The following HNRNPH1 variants were observed in gnomAD, a reference collection of about 807,000 sequenced individuals.
HNRNPH1 encodes the protein heterogeneous nuclear ribonucleoprotein H1, also known as heterogeneous nuclear ribonucleoprotein H.
A neutral mutation model predicts 58.6 loss-of-function variants in HNRNPH1; 4 were observed. The ratio of observed to expected loss-of-function variants is 0.07; its 90% confidence interval spans 0.03 to 0.16. The LOEUF is 0.16. Ranked by LOEUF, HNRNPH1 falls within the 10% of genes least tolerant of loss-of-function variation. HNRNPH1 has a pLI of 1.00. For missense variants in HNRNPH1, 271 were observed against 564.2 expected (o/e 0.48, Z 5.26); for synonymous variants, 192 against 189.2 (o/e 1.01, Z -0.12).
At chr5:179,615,709 C>A in intron 11 of HNRNPH1, 114 bp from the exon 13 acceptor site, 1 of 578,708 alleles carries the variant, frequency 1.7e-6, no homozygotes, top group Admixed American at 3.3e-5. Context: ...AAATACGATC[C>A]TGAACCCAAC....
chr5:179,616,841 G>A (rs1238562864), intron 10 of HNRNPH1, 28 bp downstream of exon 11: 3 of 1,568,240 alleles, frequency 1.9e-6, no homozygotes, highest in Admixed American at 3.4e-5. Flanking sequence ...TAAACGTTTT[G>A]GTTTTTAAAA....
chr5:179,616,068 C>T, intron 11 of HNRNPH1, 58 bp downstream of exon 12: 1 of 1,377,592 alleles, frequency 7.3e-7, no homozygotes, highest in Admixed American at 1.7e-5. Flanking sequence ...ACTCTAAGTA[C>T]AGTAATGAAC....
intron 4 of HNRNPH1, chr5:179,618,593 A>G (rs946041343): frequency 7.2e-6 from 2 of 276,270 alleles, no homozygotes; most frequent in East Asian, 6.7e-5. Context: ...CTGTAAATAA[A>G]TGTTTTAGGA....
chr5:179,632,187 A>G (rs59302801), intron 2 of HNRNPH1, among the ~76,000 whole-genome samples: 1,715 of 152,206 alleles, frequency 0.011, 41 homozygotes, highest in African/African-American at 0.038. Flanking sequence ...GGGTGCCTGT[A>G]GTCCCAGCTA....
intron 3 of HNRNPH1, chr5:179,619,655 A>T (rs1771333712): frequency 3.4e-6 from 1 of 290,352 alleles, no homozygotes; most frequent in Admixed American, 5.1e-5. Context: ...AGGATGCATT[A>T]AGAATTCAAC....
chr5:179,631,127 G>C (rs540320355), intron 2 of HNRNPH1, among the ~76,000 whole-genome samples: 3 of 152,094 alleles, frequency 2.0e-5, no homozygotes, highest in African/African-American at 7.2e-5. Context: ...TAGTGGGATG[G>C]GGAGGCTGTG....
In HNRNPH1 at chr5:179,616,012, TGCCTGC is replaced by T. The variant is rs541790573; in HGVS notation, c.1300+108_1300+113del. 428 of 884,798 alleles carry T rather than the reference TGCCTGC, an allele frequency of 4.8e-4. 3 individuals carry two copies. The African/African-American group carries it at 6.4e-3, about 13-fold the overall frequency. The allele number at this position is 884,798 out of a possible 1,614,324, so 54.8% of individuals were successfully genotyped here. A position where few individuals can be genotyped will look rare whatever the true frequency, so the allele number is the denominator to read the frequency against. On this transcript the variant is annotated intron_variant, in intron 11 of 12. Transcript: ENST00000356731. ...CTGCATCTTCCCAACTAAAGGCACC[TGCCTGC>T]GACTTACTCTAAGTACAGTAACAGG...
At position 179,621,099 on chromosome 5, in the gene HNRNPH1, G is replaced by A; in HGVS notation, c.254-64C>T. ...TAGATAACAAAGTTCAGACTTCCTG[G>A]GTCTTTAGATAAGCTAGGAAGAGCT... On this transcript the variant is annotated intron_variant, in intron 2 of 12. Coordinates refer to ENST00000356731, the Ensembl canonical transcript of HNRNPH1. 5 of 1,569,860 alleles carry A rather than the reference G, an allele frequency of 3.2e-6. No individual in the cohort carries two copies. The Admixed American group carries it at 8.5e-5, about 27-fold the overall frequency.
At chr5:179,631,543 C>G (rs1162477930) in intron 2 of HNRNPH1, among the ~76,000 whole-genome samples, 1 of 151,808 alleles carries the variant, frequency 6.6e-6, no homozygotes, top group Non-Finnish European at 1.5e-5. Context: ...GTCGGGAGTT[C>G]AAGACCAGCC....
chr5:179,619,159 C>A (rs890258655), intron 4 of HNRNPH1, 110 bp downstream of exon 5: 112 of 953,320 alleles, frequency 1.2e-4, no homozygotes, highest in Non-Finnish European at 1.6e-4. Flanking sequence ...GGCAAAACAT[C>A]AATTACCTAG....
exon 10 of HNRNPH1, chr5:179,616,936 G>T: frequency 6.2e-7 from 1 of 1,612,606 alleles, no homozygotes; most frequent in Non-Finnish European, 8.5e-7. Flanking sequence ...TAGAATTCAA[G>T]AAGAGTTCTA....
chr5:179,625,506 A>T, upstream of HNRNPH1, among the ~76,000 whole-genome samples: 1 of 151,224 alleles, frequency 6.6e-6, no homozygotes. Context: ...AAAAAAAAAA[A>T]AATTAGCCAG....
intron 1 of HNRNPH1, 126 bp from the exon 3 acceptor site, chr5:179,621,523 C>G: frequency 1.4e-6 from 1 of 725,912 alleles, no homozygotes; most frequent in Non-Finnish European, 2.3e-6. Context: ...TATATACTGA[C>G]CACGATATTA....
exon 1 of HNRNPH1, chr5:179,623,214 C>A: frequency 4.7e-6 from 5 of 1,054,940 alleles, no homozygotes; most frequent in Non-Finnish European, 1.4e-6. Flanking sequence ...AGCTGTCCTT[C>A]GCCTCCGAGG....
intron 12 of HNRNPH1, chr5:179,615,264 T>G (rs1768959858): frequency 2.3e-6 from 1 of 441,846 alleles, no homozygotes; most frequent in South Asian, 4.6e-5. Context: ...ACTTCGTATT[T>G]TTAAAGCTAA....
chr5:179,622,185 G>A (rs1772745575), intron 1 of HNRNPH1, among the ~76,000 whole-genome samples: 1 of 152,078 alleles, frequency 6.6e-6, no homozygotes, highest in African/African-American at 2.4e-5. Context: ...GCCAGATTAA[G>A]AACTAGATAA....
chr5:179,620,099 G>C (rs935819435), intron 3 of HNRNPH1: 8 of 152,146 alleles, frequency 5.3e-5, no homozygotes, highest in Non-Finnish European at 5.9e-5. Context: ...CACCAATTTA[G>C]TGTCAAAACA....
upstream of HNRNPH1, among the ~76,000 whole-genome samples, chr5:179,624,938 C>A (rs1774219415): frequency 6.6e-6 from 1 of 152,306 alleles, no homozygotes; most frequent in African/African-American, 2.4e-5. Context: ...AAAAGAAAGA[C>A]AGGAGCCCAG....
chr5:179,616,206 C>T (rs1478579388), exon 11 of HNRNPH1: 2 of 1,614,070 alleles, frequency 1.2e-6, no homozygotes, highest in East Asian at 2.2e-5. Context: ...GCCCCCGTAG[C>T]TGGACTGGTT....
Sources: gnomAD v4.1 joint callset for allele counts (sites outside exome capture counted in the v4.1 genomes callset) on GRCh38, gnomAD v4.1.1 for gene constraint, MANE v1.5 for transcripts, NCBI Gene and HGNC (gene_info 2026-07-23, HGNC 2026-07-21) for gene names.